PLPP1: variants seen among roughly 807,000 people sequenced by gnomAD.
The protein encoded by PLPP1 is phospholipid phosphatase 1.
Under a neutral mutation model 31.2 loss-of-function variants are expected in PLPP1, and 24 were observed. That is an observed-to-expected ratio of 0.77 (90% confidence interval 0.56 to 1.08). The LOEUF (loss-of-function observed/expected upper bound fraction) is 1.08. Ranked by LOEUF, PLPP1 falls within the 50% of genes least tolerant of loss-of-function variation. PLPP1 has a pLI of 0.00. For synonymous variants in PLPP1, 146 were observed against 126.3 expected (o/e 1.16, Z -1.05); for missense variants, 319 against 342.7 (o/e 0.93, Z 0.55).
chr5:55,471,489 T>C (rs1752414646), intron 2 of PLPP1, among the ~76,000 whole-genome samples: 1 of 152,106 alleles, frequency 6.6e-6, no homozygotes, highest in South Asian at 2.1e-4. Flanking sequence ...TGTGAGCCAC[T>C]GCACTCAGCC....
intron 1 of PLPP1, among the ~76,000 whole-genome samples, chr5:55,486,981 G>A (rs764144752): frequency 1.4e-4 from 21 of 151,088 alleles, no homozygotes; most frequent in Non-Finnish European, 3.1e-4. Context: ...GTCACCATAA[G>A]TAATACAATC....
intron 4 of PLPP1, among the ~76,000 whole-genome samples, chr5:55,435,804 A>G (rs909605690): frequency 6.6e-6 from 1 of 152,066 alleles, no homozygotes; most frequent in African/African-American, 2.4e-5. Context: ...CAGGAACACA[A>G]CATATGGCAA....
intron 2 of PLPP1, among the ~76,000 whole-genome samples, chr5:55,473,093 A>C (rs1752457128): frequency 6.6e-6 from 1 of 152,170 alleles, no homozygotes; most frequent in African/African-American, 2.4e-5. Context: ...TCCTACTAAA[A>C]ATGTTATATT....
At chr5:55,460,532 G>A (rs944505578) in intron 3 of PLPP1, among the ~76,000 whole-genome samples, 15 of 152,168 alleles carry the variant, frequency 9.9e-5, no homozygotes, top group Non-Finnish European at 2.1e-4. Context: ...ATAGTATAAT[G>A]ACATGATGAA....
chr5:55,441,601 G>T (rs1374708102), intron 4 of PLPP1, among the ~76,000 whole-genome samples: 1 of 152,188 alleles, frequency 6.6e-6, no homozygotes, highest in East Asian at 1.9e-4. Flanking sequence ...GCAGCCTGTT[G>T]TCCCAGTCCT....
intron 1 of PLPP1, among the ~76,000 whole-genome samples, chr5:55,500,762 GTA>G (rs1753126048): frequency 6.6e-6 from 1 of 152,134 alleles, no homozygotes; most frequent in Non-Finnish European, 1.5e-5. Context: ...AAATACCAGT[GTA>G]TATGAGAGAT....
Position 55,467,915 on chromosome 5 carries a change from C to A in PLPP1, c.445G>T (p.Glu149Ter). Residue 149 changes from glutamate to a stop codon, truncating the protein, a stop_gained, in exon 3 of 6, where the codon GAA becomes TAA. Transcript: ENST00000307259. LOFTEE classifies it high-confidence loss of function. The stretch of plus-strand genomic sequence containing the variant: ...GCATTCCCTCGACATATGTAGTATT[C>A]AATGTAACCATCGCTGCAGTTGATT... ...SKINCSDGYI[E>*]YYICRGNAER... 1 of 1,614,144 alleles carries A rather than the reference C, an allele frequency of 6.2e-7. No individual in the cohort carries two copies. Among genetic ancestry groups the A allele is most frequent in the South Asian group, 1.1e-5 (1 of 91,072 alleles).
intron 1 of PLPP1, among the ~76,000 whole-genome samples, chr5:55,478,650 G>A (rs1418207629): frequency 1.3e-5 from 2 of 152,092 alleles, no homozygotes; most frequent in Non-Finnish European, 2.9e-5. Flanking sequence ...GGAAGATGAG[G>A]AGAGGAAGAA....
chr5:55,425,444 G>A (rs1014299256), intron 5 of PLPP1, 110 bp from the exon 6 acceptor site: 6 of 1,034,534 alleles, frequency 5.8e-6, no homozygotes, highest in Admixed American at 5.9e-5. Flanking sequence ...TATACTTTGA[G>A]GTGTACAGAT....
intron 1 of PLPP1, among the ~76,000 whole-genome samples, chr5:55,528,082 G>C (rs935173897): frequency 3.3e-5 from 5 of 152,136 alleles, no homozygotes; most frequent in African/African-American, 1.2e-4. Flanking sequence ...GTCAAAAACA[G>C]CAAAACACAG....
At chr5:55,463,529 C>T (rs537031087) in intron 3 of PLPP1, among the ~76,000 whole-genome samples, 2 of 151,894 alleles carry the variant, frequency 1.3e-5, no homozygotes, top group Admixed American at 1.3e-4. Context: ...GGCATGGTGG[C>T]ACACACCTGT....
At chr5:55,516,907 T>C (rs918992710) in intron 1 of PLPP1, among the ~76,000 whole-genome samples, 29 of 152,228 alleles carry the variant, frequency 1.9e-4, no homozygotes, top group African/African-American at 6.3e-4. Flanking sequence ...AATTATAGCT[T>C]ACATAAACAT....
At chr5:55,493,383 C>T (rs1752938170) in intron 1 of PLPP1, among the ~76,000 whole-genome samples, 1 of 151,244 alleles carries the variant, frequency 6.6e-6, no homozygotes, top group Non-Finnish European at 1.5e-5. Context: ...TATAGATTAT[C>T]TCTGAATTCT....
chr5:55,494,156 G>A (rs1395599631), intron 1 of PLPP1, among the ~76,000 whole-genome samples: 5 of 150,404 alleles, frequency 3.3e-5, no homozygotes, highest in African/African-American at 7.4e-5. Context: ...GGTAAAATGA[G>A]GAATTTTAGA....
chr5:55,460,805 C>T lies in PLPP1; in HGVS notation c.491+7064G>A, dbSNP rs112796041. Among the ~76,000 whole-genome samples, 961 of 152,186 alleles carry T rather than the reference C, an allele frequency of 6.3e-3. 15 individuals are homozygous for T. The highest frequency in any genetic ancestry group is 0.021 in the African/African-American group (855 of 41,508). The stretch of plus-strand genomic sequence containing the variant: ...AGGCTACCATAAGCTATGACTGGGC[C>T]ACCGCACTCCAGCCTGGACAACAGA... On this transcript the variant is annotated intron_variant, in intron 3 of 5. Coordinates refer to ENST00000307259, the MANE Select transcript of PLPP1 (RefSeq NM_003711.4).
intron 1 of PLPP1, among the ~76,000 whole-genome samples, chr5:55,506,635 A>AT (rs1388676337): frequency 6.6e-6 from 1 of 152,166 alleles, no homozygotes; most frequent in Admixed American, 6.6e-5. Context: ...CTAGGAGCTG[A>AT]TTTTTTACCA....
intron 1 of PLPP1, among the ~76,000 whole-genome samples, chr5:55,525,495 T>C (rs557524230): frequency 1.8e-4 from 28 of 152,210 alleles, no homozygotes; most frequent in Non-Finnish European, 3.8e-4. Flanking sequence ...CCCAATTTTA[T>C]AATTTTTGTT....
At position 55,534,527 on chromosome 5, in the gene PLPP1, C is replaced by A. The variant is rs117855488; in HGVS notation, c.58+45G>T. The A allele has an allele frequency of 1.4e-4, 209 of 1,512,476 alleles. No individual in the cohort carries two copies. The East Asian group carries it at 4.8e-3, about 34-fold the overall frequency. 93.7% of individuals were successfully genotyped at this position (1,512,476 alleles called of 1,614,324 possible). A position where few individuals can be genotyped will look rare whatever the true frequency, so the allele number is the denominator to read the frequency against. ...TCGCGGCTCTGCGCTAAAGCCCTCC[C>A]GGGACAGCCGCACACGCCCCTCGGA... On this transcript the variant is annotated intron_variant, in intron 1 of 5. Transcript: ENST00000307259.
chr5:55,439,374 G>A (rs368436631), intron 4 of PLPP1, among the ~76,000 whole-genome samples: 317 of 152,130 alleles, frequency 2.1e-3, no homozygotes, highest in Non-Finnish European at 3.1e-3. Context: ...TCTGCACCTC[G>A]CTTCCATTTT....
Sources: gnomAD v4.1 joint callset for allele counts (sites outside exome capture counted in the v4.1 genomes callset) on GRCh38, gnomAD v4.1.1 for gene constraint, MANE v1.5 for transcripts, NCBI Gene and HGNC (gene_info 2026-07-23, HGNC 2026-07-21) for gene names.